Variants in ITGB2 observed in about 807,000 individuals in gnomAD.
ITGB2 encodes the protein integrin subunit beta 2.
ITGB2 carries 56 observed loss-of-function variants against 86.8 expected under a neutral mutation model. That is an observed-to-expected ratio of 0.65 (90% CI 0.52 to 0.81). The LOEUF (loss-of-function observed/expected upper bound fraction) is 0.81. Among genes scored for constraint, ITGB2 ranks in the 30% least tolerant of loss-of-function variants. ITGB2 has a pLI of 0.00. For synonymous variants in ITGB2, 457 were observed against 450.4 expected, an observed-to-expected ratio of 1.01 and a Z score of -0.19; for missense variants, 948 against 1,061.2, an observed-to-expected ratio of 0.89 and a Z score of 1.48.
At position 44,910,301 on chromosome 21, in the gene ITGB2, T is replaced by C. The variant is rs766987781; in HGVS notation, c.130A>G (p.Thr44Ala). Reference sequence around the variant, plus strand: ...GCACTTACCAGCTTCTGGCACCAGGTGCAGCCGGGCCCCGACTCGATGCAT... The same window carrying C: ...GCACTTACCAGCTTCTGGCACCAGGCGCAGCCGGGCCCCGACTCGATGCAT... ...RECIESGPGC[T>A]WCQKLNFTGP... The change falls in exon 3 of 16, where the codon ACC (threonine) becomes GCC (alanine). Residue 44 changes from threonine (T) to alanine (A), a missense_variant. Physicochemically the swap from Thr to Ala is moderately conservative, Grantham distance 58 (BLOSUM62 0). Coordinates refer to ENST00000652462, the MANE Select transcript of ITGB2 (RefSeq NM_000211.5). 1 of 1,614,018 alleles carries C rather than the reference T, an allele frequency of 6.2e-7. No homozygotes were observed. Among genetic ancestry groups the C allele is most frequent in the Admixed American group, 1.7e-5 (1 of 59,996 alleles).
In ITGB2 at chr21:44,903,289, G is replaced by T. The variant is rs1296285549; in HGVS notation, c.499+76C>A. Reference sequence around the variant, plus strand: ...TACCCTGGGGACCTGAGTGCGAGGAGTTGTGTGGGCCACAGGCAGGAGTGG... The same window carrying T: ...TACCCTGGGGACCTGAGTGCGAGGATTTGTGTGGGCCACAGGCAGGAGTGG... On this transcript the variant is annotated intron_variant, in intron 5 of 15. Coordinates refer to ENST00000652462, the MANE Select transcript of ITGB2 (RefSeq NM_000211.5). 7 of 1,574,014 alleles carry T rather than the reference G, an allele frequency of 4.4e-6. No homozygotes were observed. The African/African-American group carries it at 5.4e-5, about 12-fold the overall frequency.
At chr21:44,901,830 C>T in intron 5 of ITGB2, 97 bp from the exon 6 acceptor site, 2 of 1,362,358 alleles carry the variant, frequency 1.5e-6, no homozygotes, top group African/African-American at 1.4e-5. Flanking sequence ...TTTCCTCTCT[C>T]CTAGCAGGGA....
intron 1 of ITGB2, among the ~76,000 whole-genome samples, chr21:44,914,681 G>C (rs1444982749): frequency 1.3e-5 from 2 of 152,220 alleles, no homozygotes; most frequent in Non-Finnish European, 2.9e-5. Context: ...CCAGTGTTTT[G>C]AGAGGCCAAG....
chr21:44,893,537 GA>G lies in ITGB2; in HGVS notation c.1090del (p.Ser364ProfsTer15). 6.2e-7 allele frequency: 1 copy of G among 1,613,944 alleles called. No homozygotes were observed. ...GTTGTGATCCAGGAAGACCCTGGAG[GA>G]GAGTTTCTGCGGGCAGAGAGCGGTT... ...HLIKNAYNKL[S>X]SRVFLDHNAL... On this transcript the variant is annotated frameshift_variant, in exon 10 of 16. Transcript: ENST00000652462. LOFTEE classifies it high-confidence loss of function.
At chr21:44,910,206 G>T in intron 3 of ITGB2, 78 bp downstream of exon 3, 1 of 1,548,088 alleles carries the variant, frequency 6.5e-7, no homozygotes, top group Non-Finnish European at 8.8e-7. Context: ...GGTCCTCTGG[G>T]TGCCACTGGC....
Position 44,888,722 on chromosome 21 carries a change from C to T in ITGB2, c.2051G>A (p.Arg684His), listed in dbSNP as rs780361764. ...YTLEQQDGMD[R>H]YLIYVDESRE... ...GCTCTCATCCACATAGATGAGGTAG[C>T]GGTCCATCCCGTCCTGCTGCTCCAG... Residue 684 changes from arginine (R) to histidine (H), a missense_variant, in exon 14 of 16, where the codon CGC (arginine) becomes CAC (histidine). By Grantham distance (29) the Arg-to-His change is conservative. Transcript: ENST00000652462. 28 of 1,610,292 alleles carry T rather than the reference C, an allele frequency of 1.7e-5. No homozygotes were observed. The highest frequency in any genetic ancestry group is 1.6e-4 in the Middle Eastern group (1 of 6,082).
Position 44,900,466 on chromosome 21 carries a change from C to T in ITGB2, c.751G>A (p.Gly251Ser), listed in dbSNP as rs771206210. The T allele has an allele frequency of 1.5e-5, 25 of 1,613,862 alleles. No individual in the cohort carries two copies. Among genetic ancestry groups the T allele is most frequent in the South Asian group, 3.3e-5 (3 of 91,086 alleles). ...MQVAACPEEI[G>S]WRNVTRLLVF... ...AGCAGCCGCGTGACGTTGCGCCAGC[C>T]GATTTCCTCCTGAGAAGAAGGCGTG... Residue 251 changes from glycine (G) to serine (S), a missense_variant, in exon 7 of 16, where the codon GGC becomes AGC. Transcript: ENST00000652462.
chr21:44,905,792 C>T (rs2084033861), intron 4 of ITGB2, among the ~76,000 whole-genome samples: 1 of 152,194 alleles, frequency 6.6e-6, no homozygotes, highest in African/African-American at 2.4e-5. Context: ...CGGCCCCATC[C>T]CTCACTGTCT....
chr21:44,914,964 T>A (rs2084183418), intron 1 of ITGB2, among the ~76,000 whole-genome samples: 2 of 151,938 alleles, frequency 1.3e-5, no homozygotes, highest in Admixed American at 6.6e-5. Context: ...GAAAGGAAAC[T>A]TTAAGCAAGA....
At chr21:44,910,809 G>T in intron 1 of ITGB2, 24 bp from the exon 2 acceptor site, 1 of 1,609,022 alleles carries the variant, frequency 6.2e-7, no homozygotes, top group South Asian at 1.1e-5. Flanking sequence ...GGGTCTTGGT[G>T]ACGGTCTCAG....
In ITGB2 at chr21:44,903,585, G is replaced by A. The variant is rs1379860804; in HGVS notation, c.329-50C>T. The A allele has an allele frequency of 2.5e-6, 4 of 1,608,820 alleles. No homozygotes were observed. In the Admixed American group the frequency reaches 5.0e-5, roughly 20 times the overall value. On this transcript the variant is annotated intron_variant, in intron 4 of 15. Coordinates refer to ENST00000652462, the MANE Select transcript of ITGB2 (RefSeq NM_000211.5). The stretch of plus-strand genomic sequence containing the variant: ...GAGCCACACCTCACATCTCACACAG[G>A]GTGTCTGGGGGCGTGTGGCCCCGAG...
At chr21:44,926,212 G>C (rs2084371337) in intron 1 of ITGB2, among the ~76,000 whole-genome samples, 1 of 132,872 alleles carries the variant, frequency 7.5e-6, no homozygotes, top group Non-Finnish European at 1.6e-5. Flanking sequence ...CCAGAGCCGT[G>C]ACCTTGCTAT....
chr21:44,906,942 G>T lies in ITGB2; in HGVS notation c.301C>A (p.Gln101Lys), dbSNP rs1303577208. The change falls in exon 4 of 16, where the codon CAA becomes AAA. Residue 101 changes from glutamine to lysine, a missense_variant. Physicochemically the swap from Gln to Lys is moderately conservative, Grantham distance 53. Coordinates refer to ENST00000652462, the MANE Select transcript of ITGB2 (RefSeq NM_000211.5). Reference sequence around the variant, plus strand: ...GGTCGCAGGTAAAGCGTCACTTTTTGTGGGGACAGCTGCTTCTGGCCCCCA... The same window carrying T: ...GGTCGCAGGTAAAGCGTCACTTTTTTTGGGGACAGCTGCTTCTGGCCCCCA... Reference protein sequence around the residue: ...HNGGQKQLSPQKVTLYLRPGQ... With the variant: ...HNGGQKQLSPKKVTLYLRPGQ... The T allele has an allele frequency of 6.2e-7, 1 of 1,614,210 alleles. No homozygotes were observed. Among genetic ancestry groups the T allele is most frequent in the East Asian group, 2.2e-5 (1 of 44,884 alleles).
intron 12 of ITGB2, 72 bp from the exon 13 acceptor site, chr21:44,889,567 G>A (rs977141899): frequency 9.8e-5 from 133 of 1,361,970 alleles, no homozygotes; most frequent in Middle Eastern, 2.4e-4. Context: ...ACCCCACTGC[G>A]GTTGCTCCCT....
upstream of ITGB2, among the ~76,000 whole-genome samples, chr21:44,924,137 T>C (rs752303107): frequency 2.0e-5 from 3 of 151,888 alleles, no homozygotes; most frequent in African/African-American, 4.8e-5. Flanking sequence ...CTCTCAGAAA[T>C]AAACACATCA....
chr21:44,925,752 C>T (rs1331789801), upstream of ITGB2, among the ~76,000 whole-genome samples: 1 of 152,174 alleles, frequency 6.6e-6, no homozygotes, highest in Non-Finnish European at 1.5e-5. Context: ...CCGAGATAAT[C>T]CCAATGCTGA....
In ITGB2 at chr21:44,910,437, T is replaced by C. The variant is rs763860376; in HGVS notation, c.59-65A>G. On this transcript the variant is annotated intron_variant, in intron 2 of 15. Coordinates refer to ENST00000652462, the MANE Select transcript of ITGB2 (RefSeq NM_000211.5). ...CGCCCTGCCCACACCCAAGGGGGAG[T>C]AGAGCAGGAAGGTCAGAGGAGGCCC... is the stretch of plus-strand genomic sequence containing the variant. 3 of 1,609,406 alleles carry C rather than the reference T, an allele frequency of 1.9e-6. No individual in the cohort carries two copies. In the African/African-American group the frequency reaches 4.0e-5, roughly 22 times the overall value.
rs1227615372 is a variant in ITGB2, at chr21:44,901,476, G to C, written c.741+16C>G. 6.2e-7 allele frequency: 1 copy of C among 1,612,580 alleles called. No individual in the cohort carries two copies. The highest frequency in any genetic ancestry group is 1.7e-5 in the Admixed American group (1 of 59,930). On this transcript the variant is annotated intron_variant, in intron 6 of 15. Transcript: ENST00000652462. Reference sequence around the variant, plus strand: ...CTGGGGGAACGTGGGGACCCAAGCAGGGGCAGCGGCCTCACCGGGCAGGCG... The same window carrying C: ...CTGGGGGAACGTGGGGACCCAAGCACGGGCAGCGGCCTCACCGGGCAGGCG...
intron 5 of ITGB2, 92 bp downstream of exon 5, chr21:44,903,273 G>T (rs1168220190): frequency 1.3e-6 from 2 of 1,506,612 alleles, no homozygotes; most frequent in African/African-American, 1.4e-5. Context: ...CTACCCTGGG[G>T]ACCTGAGTGC....
Sources: allele counts gnomAD v4.1 joint callset (sites outside exome capture counted in the v4.1 genomes callset), GRCh38; gene constraint gnomAD v4.1.1; transcripts MANE v1.5; gene names NCBI Gene and HGNC (gene_info 2026-07-23, HGNC 2026-07-21).